Variants in OSTF1 observed in about 807,000 individuals in gnomAD.
OSTF1 encodes the protein osteoclast stimulating factor 1, also known as osteoclast-stimulating factor 1.
A neutral mutation model predicts 37.2 loss-of-function variants in OSTF1; 27 were observed. The ratio of observed to expected loss-of-function variants is 0.73; its 90% confidence interval spans 0.54 to 1.00. The LOEUF (loss-of-function observed/expected upper bound fraction) is 1.00. Ranked by LOEUF, OSTF1 falls within the 50% of genes least tolerant of loss-of-function variation. The pLI is 0.00. For missense variants in OSTF1, 232 were observed against 253.8 expected, an observed-to-expected ratio of 0.91 and a Z score of 0.58; for synonymous variants, 82 against 89.2, an observed-to-expected ratio of 0.92 and a Z score of 0.46.
chr9:75,121,912 T>C (rs1273016049), intron 2 of OSTF1, among the ~76,000 whole-genome samples: 1 of 152,062 alleles, frequency 6.6e-6, no homozygotes, highest in Admixed American at 6.5e-5. Flanking sequence ...AAGCTCCTGT[T>C]CCCCCTCAGG....
chr9:75,089,558 G>C (rs1196734749), intron 1 of OSTF1, among the ~76,000 whole-genome samples: 3 of 152,080 alleles, frequency 2.0e-5, no homozygotes, highest in African/African-American at 7.2e-5. Context: ...ATACTGTTCC[G>C]CTCATTCATT....
intron 1 of OSTF1, among the ~76,000 whole-genome samples, chr9:75,111,882 G>A: frequency 8.1e-6 from 1 of 122,738 alleles, no homozygotes; most frequent in Non-Finnish European, 1.6e-5. Flanking sequence ...GGAGTACAAT[G>A]GTGTGATCTC....
intron 1 of OSTF1, among the ~76,000 whole-genome samples, chr9:75,100,371 A>G (rs1200764441): frequency 1.3e-5 from 2 of 152,176 alleles, no homozygotes; most frequent in Admixed American, 1.3e-4. Flanking sequence ...CCATGTGCCC[A>G]TGTTCATAAA....
intron 9 of OSTF1, among the ~76,000 whole-genome samples, chr9:75,144,197 TGAG>T (rs1387760744): frequency 4.6e-5 from 7 of 152,174 alleles, no homozygotes; most frequent in Non-Finnish European, 1.0e-4. Flanking sequence ...GAACTCCTCT[TGAG>T]GAGAGTGGAG....
chr9:75,116,229 G>C (rs1336053749), intron 1 of OSTF1, among the ~76,000 whole-genome samples: 1 of 152,072 alleles, frequency 6.6e-6, no homozygotes, highest in East Asian at 1.9e-4. Flanking sequence ...AAGTATATGG[G>C]AGGATGTATA....
intron 1 of OSTF1, among the ~76,000 whole-genome samples, chr9:75,111,484 TGC>T (rs1825386982): frequency 1.3e-5 from 2 of 152,150 alleles, no homozygotes; most frequent in Non-Finnish European, 2.9e-5. Context: ...GTGCTGATCT[TGC>T]TTACGTGAAG....
intron 2 of OSTF1, among the ~76,000 whole-genome samples, chr9:75,123,934 A>T (rs907035522): frequency 9.8e-5 from 15 of 152,350 alleles, no homozygotes; most frequent in Admixed American, 6.5e-4. Flanking sequence ...AACGGCAGCC[A>T]TTAATTCAAA....
At chr9:75,101,328 A>G (rs1825190051) in intron 1 of OSTF1, among the ~76,000 whole-genome samples, 1 of 152,122 alleles carries the variant, frequency 6.6e-6, no homozygotes, top group African/African-American at 2.4e-5. Flanking sequence ...CACAACACCA[A>G]CCTTTTGAAG....
chr9:75,102,984 G>A (rs1462086590), intron 1 of OSTF1, among the ~76,000 whole-genome samples: 1 of 152,132 alleles, frequency 6.6e-6, no homozygotes. Context: ...TAAATACATT[G>A]CTGATAAATC....
At chr9:75,114,549 T>C (rs532631059) in intron 1 of OSTF1, among the ~76,000 whole-genome samples, 1 of 126,548 alleles carries the variant, frequency 7.9e-6, no homozygotes, top group East Asian at 2.2e-4. Context: ...TTTTATTTAA[T>C]ATTAATTTTT....
intron 8 of OSTF1, among the ~76,000 whole-genome samples, chr9:75,139,031 T>TC (rs1825887553): frequency 7.2e-6 from 1 of 139,502 alleles, no homozygotes; most frequent in African/African-American, 2.9e-5. Context: ...GGGACACTTC[T>TC]TTCTTTCTTT....
intron 1 of OSTF1, among the ~76,000 whole-genome samples, chr9:75,089,612 C>T (rs1032791216): frequency 4.6e-5 from 7 of 152,286 alleles, no homozygotes; most frequent in African/African-American, 1.7e-4. Flanking sequence ...AATACTTTAA[C>T]AACTCTTACG....
intron 9 of OSTF1, among the ~76,000 whole-genome samples, chr9:75,145,169 A>G (rs529544207): frequency 8.1e-5 from 5 of 61,540 alleles, no homozygotes; most frequent in African/African-American, 5.6e-4. Flanking sequence ...CTACCTATCT[A>G]TCTATCTAAT....
At chr9:75,097,704 G>T (rs1338481637) in intron 1 of OSTF1, among the ~76,000 whole-genome samples, 2 of 151,374 alleles carry the variant, frequency 1.3e-5, no homozygotes, top group Non-Finnish European at 2.9e-5. Flanking sequence ...ATGGGGGTTG[G>T]ACATGCTTCA....
At chr9:75,115,249 A>G (rs1825461809) in intron 1 of OSTF1, among the ~76,000 whole-genome samples, 2 of 152,196 alleles carry the variant, frequency 1.3e-5, no homozygotes, top group Admixed American at 1.3e-4. Flanking sequence ...TTCTAGAACT[A>G]GAAGATAACA....
chr9:75,094,397 GGT>G (rs1398668933), intron 1 of OSTF1, among the ~76,000 whole-genome samples: 3 of 151,162 alleles, frequency 2.0e-5, no homozygotes, highest in African/African-American at 7.3e-5. Flanking sequence ...CCTGAAAGAA[GGT>G]GGGGGTGGAC....
intron 1 of OSTF1, among the ~76,000 whole-genome samples, chr9:75,103,951 G>A (rs1469521095): frequency 6.6e-6 from 1 of 152,194 alleles, no homozygotes; most frequent in East Asian, 1.9e-4. Flanking sequence ...ATTATGGGCT[G>A]GGCGTTATGG....
At chr9:75,139,434 T>C (rs1255509268) in intron 8 of OSTF1, among the ~76,000 whole-genome samples, 1 of 152,102 alleles carries the variant, frequency 6.6e-6, no homozygotes, top group Non-Finnish European at 1.5e-5. Flanking sequence ...TTTTTTTGTT[T>C]TTTTGGTTTT....
In OSTF1 at chr9:75,117,517, C is replaced by T. The variant is rs367728327; in HGVS notation, c.48C>T (p.Val16=). The T allele has an allele frequency of 3.7e-6, 6 of 1,610,982 alleles. No homozygotes were observed. The African/African-American group carries it at 8.0e-5, about 22-fold the overall frequency. Residue 16 remains valine (V), a synonymous_variant, in exon 2 of 10, where the codon GTC becomes GTT. Coordinates refer to ENST00000346234, the MANE Select transcript of OSTF1 (RefSeq NM_012383.5). Reference sequence around the variant, plus strand: ...TTCCTTTTTTAGGGCAAGTTAAAGTCTTCAGAGCCCTGTATACGTTTGAAC... The same window carrying T: ...TTCCTTTTTTAGGGCAAGTTAAAGTTTTCAGAGCCCTGTATACGTTTGAAC... ...PKPVKPGQVK[V]FRALYTFEPR...
Sources: gnomAD v4.1 joint callset for allele counts (sites outside exome capture counted in the v4.1 genomes callset) on GRCh38, gnomAD v4.1.1 for gene constraint, MANE v1.5 for transcripts, NCBI Gene and HGNC (gene_info 2026-07-23, HGNC 2026-07-21) for gene names.